The following TCP11 variants were observed in gnomAD, a reference collection of about 807,000 sequenced individuals.
TCP11 encodes T-complex protein 11 homolog.
A neutral mutation model predicts 45.0 loss-of-function variants in TCP11; 34 were observed. The observed-to-expected ratio is 0.76, with a 90% CI of 0.57 to 1.01. The LOEUF is 1.01. Among genes scored for constraint, TCP11 ranks in the 50% least tolerant of loss-of-function variants. The pLI is 0.00. For missense variants in TCP11, 523 were observed against 598.1 expected (o/e 0.87, Z 1.31); for synonymous variants, 227 against 227.0 (o/e 1.00, Z 0.00).
At chr6:35,127,770 G>C (rs1379893405) in intron 4 of TCP11, among the ~76,000 whole-genome samples, 1 of 152,160 alleles carries the variant, frequency 6.6e-6, no homozygotes, top group Non-Finnish European at 1.5e-5. Context: ...TCCTCATTTT[G>C]GGGGAGGATA....
At position 35,119,239 on chromosome 6, in the gene TCP11, C is replaced by G; in HGVS notation, c.1268G>C (p.Cys423Ser). The G allele has an allele frequency of 6.2e-7, 1 of 1,614,166 alleles. No homozygotes were observed. The change falls in exon 9 of 10, where the codon TGC becomes TCC. Residue 423 changes from cysteine to serine, a missense_variant. Around this residue, in one of 2 missense-constraint regions of TCP11, gnomAD observed 298 missense variants for 387.9 expected, o/e 0.77. Transcript: ENST00000311875. ...QNIAKKENCVCSVIDQRIHLF... is the reference protein window; with the variant it reads ...QNIAKKENCVSSVIDQRIHLF... ...ACAAGCATACTCACCAATAACACTG[C>G]AGACACAGTTCTCCTTCTTGGCAAT... is the stretch of plus-strand genomic sequence containing the variant.
chr6:35,140,676 TG>T (rs551507503), intron 2 of TCP11, 70 bp downstream of exon 2: 33 of 759,914 alleles, frequency 4.3e-5, no homozygotes, highest in African/African-American at 7.0e-5. Context: ...ACTTGGGGGA[TG>T]GGGGGGCCTG....
intron 5 of TCP11, among the ~76,000 whole-genome samples, chr6:35,121,686 AC>A (rs1779266542): frequency 6.6e-6 from 1 of 151,816 alleles, no homozygotes; most frequent in Non-Finnish European, 1.5e-5. Context: ...GGTGGTGTGC[AC>A]CTGTAGTCCC....
rs372296449 is a variant in TCP11, at chr6:35,122,201, T to C, written c.494A>G (p.Asn165Ser). The C allele has an allele frequency of 1.7e-5, 27 of 1,614,094 alleles. No individual in the cohort carries two copies. The highest frequency in any genetic ancestry group is 2.3e-5 in the Non-Finnish European group (27 of 1,180,048). Residue 165 changes from asparagine to serine, a missense_variant, in exon 5 of 10, where the codon AAC becomes AGC. Asn to Ser is a conservative substitution (Grantham distance 46, BLOSUM62 1). This residue lies in a region of TCP11 where 225 missense variants were observed against 210.2 expected (regional missense o/e 1.07). Coordinates refer to ENST00000311875, the MANE Select transcript of TCP11 (RefSeq NM_001370687.1). ...KVLYLSKYVL[N>S]MMALLCAPVR... is the part of the protein sequence containing the mutation. The stretch of plus-strand genomic sequence containing the variant: ...TGGTGCACACAGCAAAGCCATCATG[T>C]TGAGAACGTACTTAGAGAGATAGAG...
chr6:35,127,336 C>T (rs1317432707), intron 4 of TCP11, among the ~76,000 whole-genome samples: 2 of 152,106 alleles, frequency 1.3e-5, no homozygotes, highest in Non-Finnish European at 2.9e-5. Context: ...TTAGTACTTC[C>T]AAGCTCAATA....
intron 2 of TCP11, chr6:35,140,377 T>G (rs1418621244): frequency 3.5e-6 from 2 of 569,352 alleles, no homozygotes; most frequent in East Asian, 4.0e-5. Context: ...ATTTCTTGAG[T>G]TAGCAAAGCG....
At chr6:35,135,211 A>G (rs1780933560) in intron 3 of TCP11, among the ~76,000 whole-genome samples, 1 of 152,194 alleles carries the variant, frequency 6.6e-6, no homozygotes, top group African/African-American at 2.4e-5. Context: ...CAGGTAACAA[A>G]AAGACTGGCT....
chr6:35,119,399 A>G lies in TCP11; in HGVS notation c.1116-8T>C. The G allele has an allele frequency of 6.2e-7, 1 of 1,613,026 alleles. No homozygotes were observed. Among genetic ancestry groups the G allele is most frequent in the Admixed American group, 1.7e-5 (1 of 59,956 alleles). The stretch of plus-strand genomic sequence containing the variant: ...AGTATAGCTTCCTCAGGCCTAGACC[A>G]TGAAAGAAAGTAAGCTGGCACCCAC... On this transcript the variant is annotated splice_polypyrimidine_tract_variant and splice_region_variant and intron_variant, in intron 8 of 9. Coordinates refer to ENST00000311875, the MANE Select transcript of TCP11 (RefSeq NM_001370687.1).
intron 3 of TCP11, among the ~76,000 whole-genome samples, chr6:35,131,295 C>T (rs943958854): frequency 6.6e-6 from 1 of 150,802 alleles, no homozygotes; most frequent in Non-Finnish European, 1.5e-5. Flanking sequence ...AGGCCGGGCG[C>T]GGTGGCTCAT....
intron 1 of TCP11, 23 bp downstream of exon 1, chr6:35,141,182 G>A (rs1171710211): frequency 2.2e-6 from 3 of 1,374,478 alleles, no homozygotes; most frequent in Non-Finnish European, 2.8e-6. Flanking sequence ...GCCCAGGCCC[G>A]CCTCCGGCTC....
intron 3 of TCP11, 51 bp downstream of exon 3, chr6:35,136,055 CT>C: frequency 2.1e-6 from 3 of 1,437,094 alleles, no homozygotes; most frequent in Middle Eastern, 1.8e-4. Context: ...GCCATCAGTG[CT>C]AAGTACCTAA....
chr6:35,127,621 T>G (rs530137001), intron 4 of TCP11, among the ~76,000 whole-genome samples: 1 of 152,316 alleles, frequency 6.6e-6, no homozygotes, highest in South Asian at 2.1e-4. Flanking sequence ...TCTTCCTCTT[T>G]CTTTCCATTG....
chr6:35,124,947 C>A (rs916237430), intron 4 of TCP11, among the ~76,000 whole-genome samples: 1 of 151,182 alleles, frequency 6.6e-6, no homozygotes, highest in African/African-American at 2.4e-5. Flanking sequence ...TTTGGGAGGT[C>A]GAGGCAGGCG....
chr6:35,135,276 GC>G (rs1308173756), intron 3 of TCP11, among the ~76,000 whole-genome samples: 1 of 152,058 alleles, frequency 6.6e-6, no homozygotes, highest in East Asian at 1.9e-4. Context: ...TTGGAGGAAA[GC>G]CAGCTGCCAT....
intron 3 of TCP11, among the ~76,000 whole-genome samples, chr6:35,135,368 T>C (rs958746179): frequency 3.3e-5 from 5 of 152,170 alleles, no homozygotes; most frequent in Non-Finnish European, 7.3e-5. Context: ...AAATTCCATG[T>C]GGCAAATTGA....
At position 35,120,088 on chromosome 6, in the gene TCP11, C is replaced by A; in HGVS notation, c.1115+71G>T. 1.3e-6 allele frequency: 2 copies of A among 1,539,806 alleles called. No homozygotes were observed. Among genetic ancestry groups the A allele is most frequent in the South Asian group, 2.5e-5 (2 of 79,032 alleles). Reference sequence around the variant, plus strand: ...TGGTTTGTGGTAGACAGTAAGCAATCGTTCATTACCTGCCTATGTTCTAAA... The same window carrying A: ...TGGTTTGTGGTAGACAGTAAGCAATAGTTCATTACCTGCCTATGTTCTAAA... On this transcript the variant is annotated intron_variant, in intron 8 of 9. Coordinates refer to ENST00000311875, the MANE Select transcript of TCP11 (RefSeq NM_001370687.1). The surrounding 1 kb of genome is among the most constrained non-coding windows in gnomAD (Gnocchi z 4.9).
At chr6:35,127,189 C>A (rs1043835946) in intron 4 of TCP11, among the ~76,000 whole-genome samples, 9 of 152,204 alleles carry the variant, frequency 5.9e-5, no homozygotes, top group Non-Finnish European at 1.3e-4. Context: ...TACCACTGAA[C>A]CAAAAGGGTA....
At chr6:35,119,079 G>A (rs1778941578) in intron 9 of TCP11, 149 bp downstream of exon 9, 7 of 1,010,128 alleles carry the variant, frequency 6.9e-6, no homozygotes, top group African/African-American at 1.6e-5. Context: ...AACTGAGACG[G>A]ATATGATTTC....
At position 35,140,793 on chromosome 6, in the gene TCP11, T is replaced by C. The variant is rs182509218; in HGVS notation, c.78A>G (p.Ser26=). The change falls in exon 2 of 10, where the codon TCA becomes TCG. Residue 26 remains serine (S), a synonymous_variant. Transcript: ENST00000311875. ...SEGRSCKPET[S]GPPQEDKSGS... Reference sequence around the variant, plus strand: ...CGCTCTTGTCTTCCTGGGGGGGTCCTGAGGTTTCGGGCTTACAGGACCTGC... The same window carrying C: ...CGCTCTTGTCTTCCTGGGGGGGTCCCGAGGTTTCGGGCTTACAGGACCTGC... 55 of 1,535,958 alleles carry C rather than the reference T, an allele frequency of 3.6e-5. No individual in the cohort carries two copies. The African/African-American group carries it at 6.0e-4, about 17-fold the overall frequency.
Sources: gnomAD v4.1 joint callset for allele counts (sites outside exome capture counted in the v4.1 genomes callset) on GRCh38, gnomAD v4.1.1 for gene constraint, gnomAD v4.1.1 regional missense constraint, Gnocchi (gnomAD v3.1) non-coding constraint, MANE v1.5 for transcripts, NCBI Gene and HGNC (gene_info 2026-07-23, HGNC 2026-07-21) for gene names.